The following UBE2D4 variants were observed in gnomAD, a reference collection of about 807,000 sequenced individuals.
The protein encoded by UBE2D4 is ubiquitin conjugating enzyme E2 D4.
In UBE2D4, 17 loss-of-function variants were observed where a neutral mutation model predicts 23.0. The ratio of observed to expected loss-of-function variants is 0.74; its 90% CI spans 0.51 to 1.11. The LOEUF is 1.11. UBE2D4 is among the 50% of genes least tolerant of loss of function. UBE2D4 has a pLI of 0.00. For synonymous variants in UBE2D4, 61 were observed against 69.4 expected (o/e 0.88, Z 0.60); for missense variants, 139 against 181.8 (o/e 0.76, Z 1.35).
chr7:43,942,817 G>C lies in UBE2D4; in HGVS notation c.89-9G>C. On this transcript the variant is annotated splice_polypyrimidine_tract_variant and intron_variant, in intron 2 of 6. Transcript: ENST00000222402. ...TCTCTTACATGCCCGTCTCTCTTTTGTTTTGTAGTGTTCCACTGGCAGGCC... is the reference window on the plus strand; with the variant it reads ...TCTCTTACATGCCCGTCTCTCTTTTCTTTTGTAGTGTTCCACTGGCAGGCC... 6.2e-7 allele frequency: 1 copy of C among 1,614,138 alleles called. No individual in the cohort carries two copies. The highest frequency in any genetic ancestry group is 2.2e-5 in the East Asian group (1 of 44,882).
Position 43,954,117 on chromosome 7 carries a change from C to T in UBE2D4, c.*1422C>T, listed in dbSNP as rs2096008671. 1 of 152,190 alleles carries T rather than the reference C, an allele frequency of 6.6e-6. No individual in the cohort carries two copies. Among genetic ancestry groups the T allele is most frequent in the Non-Finnish European group, 1.5e-5 (1 of 68,036 alleles). The allele number at this position is 152,190 out of a possible 1,614,324, so 9.4% of individuals were successfully genotyped here. ...AATACTGAGGTTATTCACATAATCA[C>T]TTCCTTAACAAAGGAAGAAGCACTT... On this transcript the variant is annotated 3_prime_UTR_variant, in exon 7 of 7. Coordinates refer to ENST00000222402, the MANE Select transcript of UBE2D4 (RefSeq NM_015983.4).
chr7:43,932,265 AG>A (rs1284879977), intron 1 of UBE2D4, among the ~76,000 whole-genome samples: 1 of 152,152 alleles, frequency 6.6e-6, no homozygotes, highest in Non-Finnish European at 1.5e-5. Flanking sequence ...CTGGGATTAC[AG>A]GCACAAAGTG....
chr7:43,929,572 G>A (rs1364870139), intron 1 of UBE2D4, among the ~76,000 whole-genome samples: 1 of 152,030 alleles, frequency 6.6e-6, no homozygotes, highest in East Asian at 1.9e-4. Flanking sequence ...CCTCACCACT[G>A]CACTCCAGCC....
rs181655770 is a variant in UBE2D4, at chr7:43,954,902, G to A, written c.*2207G>A. On this transcript the variant is annotated 3_prime_UTR_variant, in exon 7 of 7. Coordinates refer to ENST00000222402, the MANE Select transcript of UBE2D4 (RefSeq NM_015983.4). ...ACCATACTCTGGTCTTTCAAGTGTA[G>A]TAGCTGATGATTCCCAAGAAACTGA... 5 of 152,350 alleles carry A rather than the reference G, an allele frequency of 3.3e-5. No homozygotes were observed. Among genetic ancestry groups the A allele is most frequent in the Admixed American group, 3.3e-4 (5 of 15,302 alleles). The allele number at this position is 152,350 out of a possible 1,614,324, so 9.4% of individuals were successfully genotyped here.
intron 1 of UBE2D4, among the ~76,000 whole-genome samples, chr7:43,936,635 T>C (rs1427541534): frequency 6.6e-6 from 1 of 152,224 alleles, no homozygotes; most frequent in Non-Finnish European, 1.5e-5. Context: ...AGTATTCTTC[T>C]AGAAATATAT....
At chr7:43,936,622 C>T (rs942515559) in intron 1 of UBE2D4, among the ~76,000 whole-genome samples, 2 of 152,158 alleles carry the variant, frequency 1.3e-5, no homozygotes, top group Admixed American at 6.5e-5. Context: ...CAACCAGTGT[C>T]GAAGTATTCT....
intron 2 of UBE2D4, among the ~76,000 whole-genome samples, chr7:43,940,037 A>G (rs1367077774): frequency 6.6e-6 from 1 of 152,238 alleles, no homozygotes; most frequent in Non-Finnish European, 1.5e-5. Context: ...TAACTACAAT[A>G]AAAAGAAATT....
chr7:43,926,513 G>T lies in UBE2D4; in HGVS notation c.-20G>T. ...AGGCAGCCCCGGCCGGGCCGCCCGGGTCCCCGGCAGCGGGGTAGGATGGCG... is the reference window on the plus strand; with the variant it reads ...AGGCAGCCCCGGCCGGGCCGCCCGGTTCCCCGGCAGCGGGGTAGGATGGCG... On this transcript the variant is annotated 5_prime_UTR_variant, in exon 1 of 7. Transcript: ENST00000222402. 6.6e-7 allele frequency: 1 copy of T among 1,524,650 alleles called. No individual in the cohort carries two copies. The highest frequency in any genetic ancestry group is 2.1e-5 in the Admixed American group (1 of 47,026). 94.4% of individuals were successfully genotyped at this position (1,524,650 alleles called of 1,614,324 possible). A position where few individuals can be genotyped will look rare whatever the true frequency, so the allele number is the denominator to read the frequency against.
At chr7:43,942,488 C>G (rs868246652) in intron 2 of UBE2D4, 2 of 474,198 alleles carry the variant, frequency 4.2e-6, no homozygotes, top group East Asian at 4.0e-5. Context: ...ATTGGGTGTT[C>G]TGTGTGTGTT....
chr7:43,932,529 A>G (rs2095948181), intron 1 of UBE2D4, among the ~76,000 whole-genome samples: 1 of 152,154 alleles, frequency 6.6e-6, no homozygotes, highest in Non-Finnish European at 1.5e-5. Context: ...AGGGTGGCTC[A>G]CGCCTGTAAT....
intron 1 of UBE2D4, among the ~76,000 whole-genome samples, chr7:43,935,023 C>T (rs2095955518): frequency 2.6e-5 from 4 of 152,166 alleles, no homozygotes; most frequent in Admixed American, 2.6e-4. Context: ...ATGGTACATG[C>T]TTTCAGTGAG....
chr7:43,939,873 A>G (rs568496624), intron 2 of UBE2D4, among the ~76,000 whole-genome samples: 3 of 152,294 alleles, frequency 2.0e-5, no homozygotes, highest in African/African-American at 7.2e-5. Flanking sequence ...TGGAAATAGG[A>G]GAAATATTGT....
At chr7:43,952,523 A>G (rs1255155465) in intron 6 of UBE2D4, 127 bp from the exon 7 acceptor site, 1 of 841,860 alleles carries the variant, frequency 1.2e-6, no homozygotes, top group Admixed American at 1.8e-5. Context: ...CCACTCACCC[A>G]TCAGCCGTAG....
intron 1 of UBE2D4, among the ~76,000 whole-genome samples, chr7:43,933,103 A>G (rs1175642892): frequency 6.7e-6 from 1 of 148,900 alleles, no homozygotes; most frequent in East Asian, 2.0e-4. Flanking sequence ...GTGTATATAT[A>G]TAACATATAT....
intron 2 of UBE2D4, chr7:43,942,438 A>G (rs1036565247): frequency 1.1e-5 from 4 of 373,196 alleles, no homozygotes; most frequent in South Asian, 2.8e-5. Context: ...TGGAGCTCCA[A>G]TGAGAATTCT....
chr7:43,929,489 C>T (rs1055750875), intron 1 of UBE2D4, among the ~76,000 whole-genome samples: 7 of 151,042 alleles, frequency 4.6e-5, no homozygotes, highest in Admixed American at 2.6e-4. Flanking sequence ...GTGACACACA[C>T]CTGTAATCCC....
intron 2 of UBE2D4, 44 bp from the exon 3 acceptor site, chr7:43,942,782 T>C: frequency 1.2e-6 from 2 of 1,613,954 alleles, no homozygotes; most frequent in Non-Finnish European, 1.7e-6. Context: ...ATGACATGTT[T>C]CTTGGGGGGT....
rs1363219769 is a variant in UBE2D4 at position 43,952,964 on chromosome 7, C to T, written c.*269C>T. 6 of 421,928 alleles carry T rather than the reference C, an allele frequency of 1.4e-5. No individual in the cohort carries two copies. Among genetic ancestry groups the T allele is most frequent in the Non-Finnish European group, 2.7e-5 (6 of 221,926 alleles). The allele number at this position is 421,928 out of a possible 1,614,324, so 26.1% of individuals were successfully genotyped here. ...GTGACACTGGAATCTCTCTCTCTGC[C>T]GCCTCAGTTTGTCTGCTGGTCTCTT... On this transcript the variant is annotated 3_prime_UTR_variant, in exon 7 of 7. Transcript: ENST00000222402.
At chr7:43,951,446 T>C (rs2096002285) in intron 6 of UBE2D4, among the ~76,000 whole-genome samples, 1 of 152,238 alleles carries the variant, frequency 6.6e-6, no homozygotes, top group Non-Finnish European at 1.5e-5. Flanking sequence ...TTGCTAGCCC[T>C]TTTAAAAGAC....
Sources: gnomAD v4.1 joint callset for allele counts (sites outside exome capture counted in the v4.1 genomes callset) on GRCh38, gnomAD v4.1.1 for gene constraint, MANE v1.5 for transcripts, NCBI Gene and HGNC (gene_info 2026-07-23, HGNC 2026-07-21) for gene names.